SYNPO2: variants seen among roughly 807,000 people sequenced by gnomAD.
The protein encoded by SYNPO2 is synaptopodin 2.
SYNPO2 carries 56 observed loss-of-function variants against 85.0 expected under a neutral mutation model. The ratio of observed to expected loss-of-function variants is 0.66; its 90% CI spans 0.53 to 0.82. The LOEUF is 0.82. Among genes scored for constraint, SYNPO2 ranks in the 40% least tolerant of loss-of-function variants. SYNPO2 has a pLI of 0.00. For synonymous variants in SYNPO2, 602 were observed against 591.1 expected (o/e 1.02, Z -0.27); for missense variants, 1,575 against 1,534.2 (o/e 1.03, Z -0.44).
chr4:118,975,390 A>G lies in SYNPO2; in HGVS notation c.106-48040A>G, dbSNP rs1314034956. Among the ~76,000 whole-genome samples, 5 of 152,316 alleles carry G rather than the reference A, an allele frequency of 3.3e-5. No homozygotes were observed. The East Asian group carries it at 5.8e-4, about 18-fold the overall frequency. On this transcript the variant is annotated intron_variant, in intron 1 of 4. Coordinates refer to ENST00000307142, the MANE Select transcript of SYNPO2 (RefSeq NM_133477.3). ...AAGAAGTTCCTTTCAGAAAAAGCCA[A>G]GCTTTAAGAGTGGGAATAGGCTGGC...
intron 2 of SYNPO2, among the ~76,000 whole-genome samples, chr4:119,024,752 G>A (rs1251932207): frequency 1.3e-5 from 2 of 152,066 alleles, no homozygotes; most frequent in East Asian, 1.9e-4. Context: ...TGAAAATCAA[G>A]TCAAAAGCAA....
Position 119,037,198 on chromosome 4 carries a change from A to G in SYNPO2, c.3252+5171A>G, listed in dbSNP as rs779757103. 9.8e-6 allele frequency: 15 copies of G among 1,535,810 alleles called. No individual in the cohort carries two copies. In the South Asian group the frequency reaches 1.6e-4, roughly 17 times the overall value. On this transcript the variant is annotated intron_variant, in intron 4 of 4. Transcript: ENST00000307142. ...TTTCTTCCTCTACCTGATAATGATA[A>G]TACTCAAAATAACAACATTCAAAGG...
At chr4:118,979,987 G>T (rs563585470) in intron 1 of SYNPO2, among the ~76,000 whole-genome samples, 1 of 152,260 alleles carries the variant, frequency 6.6e-6, no homozygotes, top group South Asian at 2.1e-4. Context: ...ATCCACACTT[G>T]TGTTATCTTT....
chr4:118,999,840 T>C (rs75020803), intron 1 of SYNPO2, among the ~76,000 whole-genome samples: 1 of 152,160 alleles, frequency 6.6e-6, no homozygotes, highest in Non-Finnish European at 1.5e-5. Context: ...TACTACCATC[T>C]TCAGGGTTTT....
intron 1 of SYNPO2, among the ~76,000 whole-genome samples, chr4:118,867,745 A>AG (rs1731726035): frequency 2.4e-5 from 1 of 41,738 alleles, no homozygotes; most frequent in Admixed American, 5.8e-4. Context: ...CAATTTTCTC[A>AG]AAAAACCTAG....
At chr4:118,882,463 C>G (rs1241991816) in intron 1 of SYNPO2, among the ~76,000 whole-genome samples, 5 of 152,142 alleles carry the variant, frequency 3.3e-5, no homozygotes, top group Non-Finnish European at 5.9e-5. Context: ...AATAGCAAAA[C>G]TATAGTCAAT....
intron 1 of SYNPO2, among the ~76,000 whole-genome samples, chr4:118,986,496 T>C (rs1189961126): frequency 1.3e-5 from 2 of 152,196 alleles, no homozygotes; most frequent in East Asian, 3.8e-4. Context: ...GTTTTCAAAG[T>C]AGCCCCGAAA....
chr4:118,914,614 A>G (rs1471858530), intron 1 of SYNPO2, among the ~76,000 whole-genome samples: 2 of 152,158 alleles, frequency 1.3e-5, no homozygotes, highest in Non-Finnish European at 2.9e-5. Flanking sequence ...ATATTTCTCA[A>G]TAAAATGATA....
intron 1 of SYNPO2, among the ~76,000 whole-genome samples, 193 bp from the exon 2 acceptor site, chr4:119,023,237 G>A (rs1292320972): frequency 1.3e-5 from 2 of 151,890 alleles, no homozygotes; most frequent in African/African-American, 4.8e-5. Flanking sequence ...TTCATATTAT[G>A]GTACATGATA....
chr4:118,930,917 CA>C (rs55944813), intron 1 of SYNPO2, among the ~76,000 whole-genome samples: 2,125 of 124,720 alleles, frequency 0.017, 38 homozygotes, highest in African/African-American at 0.057. Flanking sequence ...TACCTTGCCT[CA>C]AAAAAAAAAA....
At chr4:118,979,422 T>C (rs1423780993) in intron 1 of SYNPO2, among the ~76,000 whole-genome samples, 1 of 152,174 alleles carries the variant, frequency 6.6e-6, no homozygotes, top group Non-Finnish European at 1.5e-5. Context: ...TGACCTAAAA[T>C]CTCACCCTCA....
intron 1 of SYNPO2, among the ~76,000 whole-genome samples, chr4:118,951,584 G>A (rs924384046): frequency 1.3e-5 from 2 of 152,156 alleles, no homozygotes; most frequent in Non-Finnish European, 2.9e-5. Flanking sequence ...AGTATGAAGA[G>A]TTTTGTTATT....
rs1194413077 is a variant in SYNPO2 at position 119,060,214 on chromosome 4, AAC to A, written c.*2282_*2283del. The A allele has an allele frequency of 6.6e-6, 1 of 152,198 alleles. No homozygotes were observed. The allele number at this position is 152,198 out of a possible 1,614,324, so 9.4% of individuals were successfully genotyped here. On this transcript the variant is annotated 3_prime_UTR_variant, in exon 5 of 5. Transcript: ENST00000307142. ...ACTTTAAACTTACATGTTAGCATAA[AAC>A]AGACTTCTCTCTCATTGCATGCACT...
chr4:118,957,514 A>C (rs374906073), intron 1 of SYNPO2, among the ~76,000 whole-genome samples: 222 of 152,256 alleles, frequency 1.5e-3, no homozygotes, highest in African/African-American at 5.1e-3. Context: ...TTAATCTGTA[A>C]AGGTGGACAT....
rs1736794675 is a variant in SYNPO2 at position 119,000,800 on chromosome 4, C to T, written c.106-22630C>T. Among the ~76,000 whole-genome samples, 3 of 152,282 alleles carry T rather than the reference C, an allele frequency of 2.0e-5. No individual in the cohort carries two copies. The South Asian group carries it at 6.2e-4, about 32-fold the overall frequency. ...ACTTTTAATTCCACTTCTTAGAATT[C>T]AATTATGTCATTTGCAGAGAGGGTC... On this transcript the variant is annotated intron_variant, in intron 1 of 4. Transcript: ENST00000307142.
intron 1 of SYNPO2, among the ~76,000 whole-genome samples, chr4:118,859,192 C>G (rs1164660262): frequency 1.3e-5 from 2 of 152,074 alleles, no homozygotes; most frequent in Non-Finnish European, 2.9e-5. Context: ...TTTGTGTCGA[C>G]TAGAGGAAAA....
intron 1 of SYNPO2, among the ~76,000 whole-genome samples, chr4:118,922,045 C>T (rs1733556896): frequency 1.3e-5 from 2 of 152,138 alleles, no homozygotes; most frequent in South Asian, 2.1e-4. Context: ...AGGGTTGGGA[C>T]TGTATCCTGT....
intron 1 of SYNPO2, among the ~76,000 whole-genome samples, chr4:118,890,230 A>G (rs1429738505): frequency 6.7e-6 from 1 of 149,936 alleles, no homozygotes; most frequent in Non-Finnish European, 1.5e-5. Flanking sequence ...TTTTGCTTCC[A>G]GGCATCATAT....
At chr4:119,027,639 T>C (rs977125255) in intron 3 of SYNPO2, among the ~76,000 whole-genome samples, 1 of 152,220 alleles carries the variant, frequency 6.6e-6, no homozygotes, top group African/African-American at 2.4e-5. Flanking sequence ...CCGAACTTCA[T>C]ATAGATTTAA....
Sources: allele counts gnomAD v4.1 joint callset (sites outside exome capture counted in the v4.1 genomes callset), GRCh38; gene constraint gnomAD v4.1.1; transcripts MANE v1.5; gene names NCBI Gene and HGNC (gene_info 2026-07-23, HGNC 2026-07-21).